UBE2E2: variants seen among roughly 807,000 people sequenced by gnomAD.
The protein encoded by UBE2E2 is ubiquitin-conjugating enzyme E2 E2.
In UBE2E2, 6 loss-of-function variants were observed where a neutral mutation model predicts 24.7. That is an observed-to-expected ratio of 0.24 (90% CI 0.13 to 0.48). UBE2E2 has a LOEUF of 0.48. Among genes scored for constraint, UBE2E2 ranks in the 20% least tolerant of loss-of-function variants. The pLI, the probability that UBE2E2 is intolerant of heterozygous loss-of-function variation, is 0.99. For synonymous variants in UBE2E2, 104 were observed against 83.6 expected, an observed-to-expected ratio of 1.24 and a Z score of -1.33; for missense variants, 169 against 245.0, an observed-to-expected ratio of 0.69 and a Z score of 2.07.
chr3:23,577,965 G>C (rs114968715), intron 5 of UBE2E2, among the ~76,000 whole-genome samples: 2,280 of 144,534 alleles, frequency 0.016, 64 homozygotes, highest in African/African-American at 0.055. Context: ...TTTTTAATAT[G>C]ACGTACTGAA....
intron 3 of UBE2E2, among the ~76,000 whole-genome samples, chr3:23,269,140 T>A (rs1277713682): frequency 1.3e-5 from 2 of 152,112 alleles, no homozygotes; most frequent in East Asian, 3.8e-4. Context: ...GACATAGGCA[T>A]GGGCAAGGAC....
intron 3 of UBE2E2, among the ~76,000 whole-genome samples, chr3:23,477,608 T>A (rs1699166945): frequency 6.6e-6 from 1 of 152,252 alleles, no homozygotes; most frequent in African/African-American, 2.4e-5. Context: ...GTTGAATATA[T>A]GAATAAGTGA....
chr3:23,220,838 T>C (rs141802475), intron 3 of UBE2E2, among the ~76,000 whole-genome samples: 2 of 152,366 alleles, frequency 1.3e-5, no homozygotes, highest in East Asian at 3.9e-4. Context: ...TCACAGTTCT[T>C]CACAAATTGT....
At chr3:23,267,520 C>G (rs1575518159) in intron 3 of UBE2E2, among the ~76,000 whole-genome samples, 1 of 152,298 alleles carries the variant, frequency 6.6e-6, no homozygotes, top group East Asian at 1.9e-4. Flanking sequence ...AGTTGAATCT[C>G]TGAATAGACC....
At chr3:23,295,704 T>C (rs1336877785) in intron 3 of UBE2E2, among the ~76,000 whole-genome samples, 3 of 152,204 alleles carry the variant, frequency 2.0e-5, no homozygotes, top group African/African-American at 7.2e-5. Context: ...AGGGTTTATG[T>C]AGCTTGTACG....
chr3:23,575,565 C>A (rs1696329331), intron 5 of UBE2E2, among the ~76,000 whole-genome samples: 1 of 152,042 alleles, frequency 6.6e-6, no homozygotes, highest in Admixed American at 6.6e-5. Flanking sequence ...TGTTAAACTT[C>A]AGTAGGTATC....
chr3:23,327,869 C>T (rs71322171), intron 3 of UBE2E2, among the ~76,000 whole-genome samples: 11,330 of 152,198 alleles, frequency 0.074, 545 homozygotes, highest in Non-Finnish European at 0.092. Context: ...GTTCTGATTT[C>T]ATGAAATGTC....
At position 23,231,029 on chromosome 3, in the gene UBE2E2, A is replaced by G. The variant is rs567861050; in HGVS notation, c.227+13717A>G. On this transcript the variant is annotated intron_variant, in intron 3 of 5. Coordinates refer to ENST00000396703, the MANE Select transcript of UBE2E2 (RefSeq NM_152653.4). ...GAGAAATAATGGGAGACATCAGTACATAATGAGAGCTCTACCTTTAGAGGA... is the reference window on the plus strand; with the variant it reads ...GAGAAATAATGGGAGACATCAGTACGTAATGAGAGCTCTACCTTTAGAGGA... 2.0e-4 allele frequency among the ~76,000 whole-genome samples: 31 copies of G among 152,330 alleles called. No homozygotes were observed. In the South Asian group the frequency reaches 6.2e-3, roughly 31 times the overall value.
At chr3:23,272,984 A>C (rs1166366107) in intron 3 of UBE2E2, among the ~76,000 whole-genome samples, 2 of 152,118 alleles carry the variant, frequency 1.3e-5, no homozygotes, top group East Asian at 3.9e-4. Context: ...CAGGCCATCA[A>C]CTGATTGGAT....
chr3:23,413,208 T>TA (rs5847232), intron 3 of UBE2E2, among the ~76,000 whole-genome samples: 95,852 of 151,032 alleles, frequency 0.63, 31,488 homozygotes, highest in African/African-American at 0.81. Flanking sequence ...ATAATAAAAT[T>TA]AAAAAAAAAT....
At chr3:23,263,779 T>C (rs1697965863) in intron 3 of UBE2E2, among the ~76,000 whole-genome samples, 1 of 152,198 alleles carries the variant, frequency 6.6e-6, no homozygotes, top group Admixed American at 6.5e-5. Context: ...ACTATTTTTA[T>C]AGAGCTTGGT....
intron 3 of UBE2E2, among the ~76,000 whole-genome samples, chr3:23,351,450 A>C (rs932350514): frequency 2.6e-5 from 4 of 152,224 alleles, no homozygotes; most frequent in East Asian, 1.9e-4. Context: ...AAATTGGATA[A>C]AGAGTCAAGA....
At chr3:23,232,189 C>T (rs1159779432) in intron 3 of UBE2E2, among the ~76,000 whole-genome samples, 7 of 152,184 alleles carry the variant, frequency 4.6e-5, no homozygotes, top group Non-Finnish European at 1.0e-4. Context: ...CTGAAGCTGC[C>T]TAAGGGCTGC....
At chr3:23,496,891 T>G (rs1699613367) in intron 3 of UBE2E2, among the ~76,000 whole-genome samples, 1 of 152,172 alleles carries the variant, frequency 6.6e-6, no homozygotes, top group Non-Finnish European at 1.5e-5. Context: ...ATGTTTGACT[T>G]TCTCCAAATT....
At chr3:23,286,227 T>C (rs1478672120) in intron 3 of UBE2E2, among the ~76,000 whole-genome samples, 4 of 152,202 alleles carry the variant, frequency 2.6e-5, no homozygotes, top group African/African-American at 9.6e-5. Context: ...GCTTTCTGGG[T>C]ATTACTCAGG....
At chr3:23,457,064 C>T (rs925473831) in intron 3 of UBE2E2, among the ~76,000 whole-genome samples, 1 of 152,162 alleles carries the variant, frequency 6.6e-6, no homozygotes, top group African/African-American at 2.4e-5. Flanking sequence ...GCAAAACCTT[C>T]CTGAACAATG....
chr3:23,265,046 A>G (rs1463596381), intron 3 of UBE2E2, among the ~76,000 whole-genome samples: 5 of 152,174 alleles, frequency 3.3e-5, no homozygotes, highest in Non-Finnish European at 7.3e-5. Context: ...GAAAGCGGCA[A>G]ACCTCTCTGT....
chr3:23,314,723 T>C (rs189581912), intron 3 of UBE2E2, among the ~76,000 whole-genome samples: 8 of 152,204 alleles, frequency 5.3e-5, no homozygotes, highest in Non-Finnish European at 1.2e-4. Context: ...CCAGATATGC[T>C]TTTCTGAGTA....
intron 3 of UBE2E2, among the ~76,000 whole-genome samples, chr3:23,463,649 T>C (rs1455798003): frequency 2.6e-5 from 4 of 152,150 alleles, no homozygotes; most frequent in African/African-American, 9.7e-5. Flanking sequence ...CCCCTCACCA[T>C]TGTTTCTCTA....
Sources: gnomAD v4.1 joint callset for allele counts (sites outside exome capture counted in the v4.1 genomes callset) on GRCh38, gnomAD v4.1.1 for gene constraint, MANE v1.5 for transcripts, NCBI Gene and HGNC (gene_info 2026-07-23, HGNC 2026-07-21) for gene names.